CCDC7: variants seen among roughly 807,000 people sequenced by gnomAD.
CCDC7 encodes the protein coiled-coil domain-containing protein 7.
A neutral mutation model predicts 196.9 loss-of-function variants in CCDC7; 183 were observed. That is an observed-to-expected ratio of 0.93 (90% CI 0.82 to 1.05). The LOEUF (loss-of-function observed/expected upper bound fraction) is 1.05, where lower values mean the gene tolerates loss of function less well. Among genes scored for constraint, CCDC7 ranks in the 50% least tolerant of loss-of-function variants. CCDC7 has a pLI of 0.00. For synonymous variants in CCDC7, 525 were observed against 484.6 expected (o/e 1.08, Z -1.10); for missense variants, 1,540 against 1,482.2 (o/e 1.04, Z -0.64).
At chr10:32,739,859 C>CG (rs1565351127) in intron 28 of CCDC7, among the ~76,000 whole-genome samples, 1 of 75,916 alleles carries the variant, frequency 1.3e-5, no homozygotes, top group Admixed American at 1.7e-4. Context: ...ATTATTTTTG[C>CG]CCCCCCCCAC....
intron 28 of CCDC7, among the ~76,000 whole-genome samples, chr10:32,772,870 G>A (rs1277367558): frequency 6.6e-6 from 1 of 152,150 alleles, no homozygotes; most frequent in African/African-American, 2.4e-5. Context: ...GGGACTGGGA[G>A]CCCTTCACCT....
At position 32,729,465 on chromosome 10, in the gene CCDC7, A is replaced by G. The variant is rs1324716121; in HGVS notation, c.2905+8A>G. ...AAGTAACTTCAAGAAAAAGTAAGTAATTATTTATAAATCTTATAAATTGTT... is the reference window on the plus strand; with the variant it reads ...AAGTAACTTCAAGAAAAAGTAAGTAGTTATTTATAAATCTTATAAATTGTT... On this transcript the variant is annotated splice_region_variant and intron_variant, in intron 28 of 41. Transcript: ENST00000639629. 1.7e-6 allele frequency: 2 copies of G among 1,147,720 alleles called. No homozygotes were observed. Among genetic ancestry groups the G allele is most frequent in the East Asian group, 5.2e-5 (2 of 38,612 alleles). The allele number at this position is 1,147,720 out of a possible 1,614,324, so 71.1% of individuals were successfully genotyped here.
At chr10:32,836,775 C>T (rs956532367) in intron 33 of CCDC7, among the ~76,000 whole-genome samples, 2 of 151,652 alleles carry the variant, frequency 1.3e-5, no homozygotes, top group Admixed American at 1.3e-4. Flanking sequence ...TGTTGGTTGT[C>T]TGTTTACTCT....
chr10:32,694,805 A>T, intron 23 of CCDC7, 74 bp from the exon 25 acceptor site: 1 of 845,948 alleles, frequency 1.2e-6, no homozygotes. Flanking sequence ...CTACACAATT[A>T]CAAGTTTGAA....
intron 31 of CCDC7, among the ~76,000 whole-genome samples, chr10:32,824,239 T>C (rs1023305029): frequency 6.6e-6 from 1 of 152,124 alleles, no homozygotes; most frequent in African/African-American, 2.4e-5. Flanking sequence ...AGTTAAGAAA[T>C]AAGGTAGCAT....
At chr10:32,495,546 C>A (rs566799757) in intron 9 of CCDC7, among the ~76,000 whole-genome samples, 17 of 152,252 alleles carry the variant, frequency 1.1e-4, no homozygotes, top group Non-Finnish European at 1.8e-4. Flanking sequence ...AGTGTCTAAT[C>A]CATCTTGAGT....
chr10:32,518,621 C>T (rs182742818), intron 11 of CCDC7, 116 bp downstream of exon 12: 294 of 791,810 alleles, frequency 3.7e-4, no homozygotes, highest in Middle Eastern at 8.4e-4. Context: ...ATTAATAATT[C>T]GTAGCAGCTA....
At chr10:32,652,234 C>G (rs1277373887) in intron 20 of CCDC7, among the ~76,000 whole-genome samples, 3 of 151,958 alleles carry the variant, frequency 2.0e-5, no homozygotes, top group Admixed American at 2.0e-4. Flanking sequence ...TGTAGCTACT[C>G]CTGCTCTTTT....
chr10:32,760,178 T>G (rs540023060), intron 28 of CCDC7, among the ~76,000 whole-genome samples: 24 of 151,480 alleles, frequency 1.6e-4, no homozygotes, highest in South Asian at 6.3e-4. Context: ...ATTGTGGAAG[T>G]CAGTGTGGCG....
chr10:32,766,898 A>G lies in CCDC7; in HGVS notation c.2906-12079A>G, dbSNP rs116387537. Among the ~76,000 whole-genome samples the G allele has an allele frequency of 2.4e-3, 361 of 152,248 alleles. 2 individuals are homozygous for G. The highest frequency in any genetic ancestry group is 8.2e-3 in the African/African-American group (343 of 41,576). ...CTTTCAGCAATATGAGGTTAAAACCAGGTACTGTGATTACTCGCTTGATTT... is the reference window on the plus strand; with the variant it reads ...CTTTCAGCAATATGAGGTTAAAACCGGGTACTGTGATTACTCGCTTGATTT... On this transcript the variant is annotated intron_variant, in intron 28 of 41. Coordinates refer to ENST00000639629, the Ensembl canonical transcript of CCDC7.
rs370390297 is a variant in CCDC7, at chr10:32,690,171, G to A, written c.2344+1008G>A. ...TAACTGTATCTTGTCTGAACTAATG[G>A]CCCAGTTAAGAGCCACTGGTGAGTC... is the stretch of plus-strand genomic sequence containing the variant. On this transcript the variant is annotated intron_variant, in intron 23 of 41. Transcript: ENST00000639629. Among the ~76,000 whole-genome samples the A allele has an allele frequency of 3.9e-5, 6 of 152,240 alleles. No individual in the cohort carries two copies. The East Asian group carries it at 1.2e-3, about 29-fold the overall frequency.
chr10:32,593,305 A>G (rs1283388506), intron 18 of CCDC7, among the ~76,000 whole-genome samples: 2 of 152,124 alleles, frequency 1.3e-5, no homozygotes, highest in East Asian at 1.9e-4. Flanking sequence ...GCCAGTGATG[A>G]TGAGCATTTT....
chr10:32,769,929 C>T (rs111565197), intron 28 of CCDC7, among the ~76,000 whole-genome samples: 2,668 of 152,046 alleles, frequency 0.018, 86 homozygotes, highest in African/African-American at 0.061. Context: ...TGAATAGTGC[C>T]GCAATAAACA....
At chr10:32,771,025 A>AT (rs1409748937) in intron 28 of CCDC7, among the ~76,000 whole-genome samples, 4 of 151,996 alleles carry the variant, frequency 2.6e-5, no homozygotes, top group South Asian at 2.1e-4. Flanking sequence ...TTGGGTTGTG[A>AT]TTTTTTATCC....
In CCDC7 at chr10:32,666,946, G is replaced by A. The variant is rs565452178; in HGVS notation, c.2122+2785G>A. The stretch of plus-strand genomic sequence containing the variant: ...TCTAGTTCTAGATCCTTGAAGAATT[G>A]CCACACTGCCTTCCACAATGGTTGA... On this transcript the variant is annotated intron_variant, in intron 21 of 41. Transcript: ENST00000639629. 1.5e-3 allele frequency among the ~76,000 whole-genome samples: 226 copies of A among 152,204 alleles called. 2 individuals carry two copies. Among genetic ancestry groups the A allele is most frequent in the African/African-American group, 5.2e-3 (214 of 41,520 alleles).
upstream of CCDC7, among the ~76,000 whole-genome samples, chr10:32,443,901 T>C (rs2030466454): frequency 6.6e-6 from 1 of 152,198 alleles, no homozygotes; most frequent in Non-Finnish European, 1.5e-5. Context: ...ACTTAAAAAG[T>C]TGACATTTTA....
intron 41 of CCDC7, among the ~76,000 whole-genome samples, chr10:32,854,690 G>T (rs1038051078): frequency 5.9e-5 from 9 of 152,176 alleles, no homozygotes; most frequent in Non-Finnish European, 1.0e-4. Context: ...ATAACCACAG[G>T]CTTATATGCT....
At chr10:32,639,157 A>T (rs575578658) in intron 20 of CCDC7, among the ~76,000 whole-genome samples, 1 of 151,784 alleles carries the variant, frequency 6.6e-6, no homozygotes, top group Admixed American at 6.6e-5. Flanking sequence ...CGGTCTATCA[A>T]TTTTGTTGAT....
intron 11 of CCDC7, among the ~76,000 whole-genome samples, chr10:32,522,443 A>G (rs1414360110): frequency 1.3e-5 from 2 of 152,000 alleles, no homozygotes; most frequent in East Asian, 3.9e-4. Context: ...AGATTTTTCA[A>G]TTCATTGATG....
Sources: allele counts gnomAD v4.1 joint callset (sites outside exome capture counted in the v4.1 genomes callset), GRCh38; gene constraint gnomAD v4.1.1; transcripts MANE v1.5; gene names NCBI Gene and HGNC (gene_info 2026-07-23, HGNC 2026-07-21).